CNKSR2: variants seen among roughly 807,000 people sequenced by gnomAD.
The protein encoded by CNKSR2 is CNK homolog protein 2.
CNKSR2 carries 14 observed loss-of-function variants against 84.4 expected under a neutral mutation model. That is an observed-to-expected ratio of 0.17 (90% confidence interval 0.11 to 0.26). The LOEUF is 0.26. Ranked by LOEUF, CNKSR2 falls within the 10% of genes least tolerant of loss-of-function variation. CNKSR2 has a pLI of 1.00. For missense variants in CNKSR2, 485 were observed against 771.2 expected, an observed-to-expected ratio of 0.63 and a Z score of 4.40; for synonymous variants, 275 against 277.9, an observed-to-expected ratio of 0.99 and a Z score of 0.10.
chrX:21,483,763 C>A (rs2091349015), intron 5 of CNKSR2, among the ~76,000 whole-genome samples: 1 of 109,472 alleles, frequency 9.1e-6, no homozygotes, highest in Non-Finnish European at 1.9e-5. Flanking sequence ...CATAAGAGTG[C>A]AAAATTTCTA....
intron 1 of CNKSR2, chrX:21,424,341 C>A (rs1354611074): frequency 1.8e-5 from 2 of 111,807 alleles, no homozygotes; most frequent in Non-Finnish European, 3.8e-5. Flanking sequence ...TCTCTTAATT[C>A]TCAGAGTGCT....
intron 20 of CNKSR2, among the ~76,000 whole-genome samples, chrX:21,635,478 A>G (rs2092667747): frequency 9.5e-6 from 1 of 105,129 alleles, no homozygotes; most frequent in South Asian, 3.9e-4. Flanking sequence ...GTGTATATAT[A>G]AATATATGTA....
chrX:21,506,107 T>A (rs2147075535), intron 8 of CNKSR2: 1 of 111,454 alleles, frequency 9.0e-6, no homozygotes, highest in African/African-American at 3.3e-5. Context: ...AGGCAGTGTT[T>A]CTGGTGTACC....
chrX:21,555,052 G>A (rs1215001023), intron 11 of CNKSR2, among the ~76,000 whole-genome samples: 1 of 105,222 alleles, frequency 9.5e-6, no homozygotes, highest in African/African-American at 3.5e-5. Flanking sequence ...TCTGACAGGT[G>A]TGAGATGATG....
chrX:21,444,577 C>T (rs767968753), intron 4 of CNKSR2, among the ~76,000 whole-genome samples: 7 of 109,961 alleles, frequency 6.4e-5, no homozygotes, highest in African/African-American at 6.6e-5. Flanking sequence ...TGATTTAGCC[C>T]ACCATCTGGC....
At position 21,376,234 on chromosome X, in the gene CNKSR2, A is replaced by AT. The variant is rs565653958; in HGVS notation, c.64+1281dup. ...GATTGAGAGTGACAGGGAGAAACTG[A>AT]TTTTTTTTGCTCATTCTTTTCCCCA... On this transcript the variant is annotated intron_variant, in intron 1 of 21. Transcript: ENST00000379510. Among the ~76,000 whole-genome samples, 413 of 111,351 alleles carry AT rather than the reference A, an allele frequency of 3.7e-3. 3 individuals carry two copies. Among genetic ancestry groups the AT allele is most frequent in the African/African-American group, 0.013 (393 of 30,622 alleles).
In CNKSR2 at chrX:21,540,077, A is replaced by G. The variant is rs141429241; in HGVS notation, c.1303+8010A>G. On this transcript the variant is annotated intron_variant, in intron 11 of 21. Transcript: ENST00000379510. ...GACACAAAAATGAATAAAACCATAA[A>G]TCCTAATTACCCAAAGGGAAGAAAC... Among the ~76,000 whole-genome samples the G allele has an allele frequency of 9.3e-3, 1,037 of 111,984 alleles. 2 individuals are homozygous for G. Among genetic ancestry groups the G allele is most frequent in the Non-Finnish European group, 0.015 (823 of 53,172 alleles).
At chrX:21,495,316 G>A (rs1353241488) in intron 6 of CNKSR2, 1 of 111,490 alleles carries the variant, frequency 9.0e-6, no homozygotes. Context: ...CCACTACATA[G>A]ACTATTGTGA....
intron 1 of CNKSR2, among the ~76,000 whole-genome samples, chrX:21,389,214 GTTATA>G (rs1173329906): frequency 9.6e-6 from 1 of 104,685 alleles, no homozygotes; most frequent in Non-Finnish European, 1.9e-5. Context: ...ATGATAATTA[GTTATA>G]TTATGGCATT....
rs184406925 is a variant in CNKSR2 at position 21,515,861 on chromosome X, G to T, written c.811-624G>T. On this transcript the variant is annotated intron_variant, in intron 8 of 21. Transcript: ENST00000379510. ...TATTTTAAGTTTATAGGGTTGTTTG[G>T]AACACATTCCAATAGCTGCTTCATT... Among the ~76,000 whole-genome samples, 6 of 111,744 alleles carry T rather than the reference G, an allele frequency of 5.4e-5. No homozygotes were observed. In the East Asian group the frequency reaches 1.7e-3, roughly 32 times the overall value.
chrX:21,404,921 CTT>C (rs1181301536), intron 1 of CNKSR2, among the ~76,000 whole-genome samples: 2 of 109,837 alleles, frequency 1.8e-5, no homozygotes, highest in Non-Finnish European at 1.9e-5. Flanking sequence ...GAAATGCTAA[CTT>C]TATAAAAAAT....
At chrX:21,443,104 T>C (rs889374609) in intron 4 of CNKSR2, among the ~76,000 whole-genome samples, 7 of 110,808 alleles carry the variant, frequency 6.3e-5, no homozygotes, top group African/African-American at 2.3e-4. Flanking sequence ...ATACCCAATT[T>C]ACTTATATAA....
chrX:21,504,961 T>A (rs959645121), intron 8 of CNKSR2: 3 of 282,926 alleles, frequency 1.1e-5, no homozygotes, highest in Non-Finnish European at 1.9e-5. Flanking sequence ...TCCCAAGATT[T>A]TTTCCACTTC....
chrX:21,426,952 T>G (rs1355844292), intron 2 of CNKSR2: 1 of 281,653 alleles, frequency 3.6e-6, no homozygotes, highest in African/African-American at 2.9e-5. Flanking sequence ...ACCACTCATG[T>G]GCTAGGCTCT....
At chrX:21,442,996 C>T (rs1247131963) in intron 4 of CNKSR2, among the ~76,000 whole-genome samples, 1 of 109,840 alleles carries the variant, frequency 9.1e-6, no homozygotes, top group Admixed American at 9.8e-5. Context: ...GGGGCCTACT[C>T]GAGGGTGAAG....
At chrX:21,380,692 C>T (rs1224956022) in intron 1 of CNKSR2, among the ~76,000 whole-genome samples, 2 of 111,292 alleles carry the variant, frequency 1.8e-5, no homozygotes, top group Non-Finnish European at 1.9e-5. Flanking sequence ...AAGTGATCCA[C>T]CTGCCTCGGC....
At chrX:21,390,992 T>C (rs1183375173) in intron 1 of CNKSR2, among the ~76,000 whole-genome samples, 1 of 111,933 alleles carries the variant, frequency 8.9e-6, no homozygotes, top group Non-Finnish European at 1.9e-5. Context: ...GGTCATTAAA[T>C]CTTATAGCTC....
chrX:21,624,335 C>G (rs1293179285), intron 20 of CNKSR2, among the ~76,000 whole-genome samples: 1 of 111,598 alleles, frequency 9.0e-6, no homozygotes, highest in Non-Finnish European at 1.9e-5. Flanking sequence ...GATCATATAT[C>G]TGAACAATGC....
chrX:21,593,522 T>C (rs2092433539), intron 15 of CNKSR2: 1 of 112,111 alleles, frequency 8.9e-6, no homozygotes, highest in Admixed American at 9.5e-5. Context: ...AAGTTAGAGA[T>C]AGTAAAACTC....
Sources: gnomAD v4.1 joint callset for allele counts (sites outside exome capture counted in the v4.1 genomes callset) on GRCh38, gnomAD v4.1.1 for gene constraint, MANE v1.5 for transcripts, NCBI Gene and HGNC (gene_info 2026-07-23, HGNC 2026-07-21) for gene names.